Variants in STAB1 observed in about 807,000 individuals in gnomAD.
STAB1 encodes the protein stabilin 1.
A neutral mutation model predicts 332.4 loss-of-function variants in STAB1; 250 were observed. The ratio of observed to expected loss-of-function variants is 0.75; its 90% CI spans 0.68 to 0.84. STAB1 has a LOEUF of 0.84. Among genes scored for constraint, STAB1 ranks in the 40% least tolerant of loss-of-function variants. The pLI, the probability that STAB1 is intolerant of heterozygous loss-of-function variation, is 0.00. For synonymous variants in STAB1, 1,475 were observed against 1,390.4 expected (o/e 1.06, Z -1.35); for missense variants, 3,249 against 3,489.7 (o/e 0.93, Z 1.74).
In STAB1 at chr3:52,519,590, T is replaced by C. The variant is rs2079003318; in HGVS notation, c.5235+26T>C. On this transcript the variant is annotated intron_variant, in intron 50 of 68. Transcript: ENST00000321725. ...GTACTGCTCCCGTGTGGGCCTGTCA[T>C]TGTGGACACACATGCACGTGTAAGT... is the stretch of plus-strand genomic sequence containing the variant. The C allele has an allele frequency of 2.5e-6, 4 of 1,606,774 alleles. No homozygotes were observed. The African/African-American group carries it at 4.0e-5, about 16-fold the overall frequency.
Position 52,522,698 on chromosome 3 carries a change from G to T in STAB1, c.6744+10G>T. 12 of 1,612,916 alleles carry T rather than the reference G, an allele frequency of 7.4e-6. No homozygotes were observed. Among genetic ancestry groups the T allele is most frequent in the Non-Finnish European group, 1.0e-5 (12 of 1,179,996 alleles). On this transcript the variant is annotated intron_variant, in intron 61 of 68. Coordinates refer to ENST00000321725, the MANE Select transcript of STAB1 (RefSeq NM_015136.3). Reference sequence around the variant, plus strand: ...CTCTGCTGCCCAGCAGGTGTGTGGGGCCCAGAAGTTGGGGCCAAGTGTTGG... The same window carrying T: ...CTCTGCTGCCCAGCAGGTGTGTGGGTCCCAGAAGTTGGGGCCAAGTGTTGG...
intron 15 of STAB1, 46 bp from the exon 16 acceptor site, chr3:52,505,837 C>T: frequency 1.2e-6 from 2 of 1,613,834 alleles, no homozygotes; most frequent in Non-Finnish European, 1.7e-6. Flanking sequence ...CCTCCACGCT[C>T]CCCCACAGTT....
Position 52,523,226 on chromosome 3 carries a change from T to C in STAB1, c.7025T>C (p.Leu2342Pro). 1 of 1,613,228 alleles carries C rather than the reference T, an allele frequency of 6.2e-7. No homozygotes were observed. The highest frequency in any genetic ancestry group is 8.5e-7 in the Non-Finnish European group (1 of 1,180,010). ...TANFSTFYGM[L>P]LGYANATQRG... is the part of the protein sequence containing the mutation. ...TCTGTCTTTCCACCGTGCCAGATGCTATTGGGCTATGCCAATGCCACCCAG... is the reference window on the plus strand; with the variant it reads ...TCTGTCTTTCCACCGTGCCAGATGCCATTGGGCTATGCCAATGCCACCCAG... The change falls in exon 64 of 69, where the codon CTA (leucine) becomes CCA (proline). Residue 2342 changes from leucine (L) to proline (P), a missense_variant. By Grantham distance (98) the Leu-to-Pro change is moderately conservative (BLOSUM62 -3). Coordinates refer to ENST00000321725, the MANE Select transcript of STAB1 (RefSeq NM_015136.3).
rs778143328 is a variant in STAB1 at position 52,511,679 on chromosome 3, C to A, written c.2817C>A (p.Ala939=). The change falls in exon 26 of 69, where the codon GCC becomes GCA. Residue 939 remains alanine, a synonymous_variant. Coordinates refer to ENST00000321725, the MANE Select transcript of STAB1 (RefSeq NM_015136.3). ...GATGCACCTGCAAGCTGGGCTTTGCCGGGGATGGCTACCAGTGCAGCCCCA... is the reference window on the plus strand; with the variant it reads ...GATGCACCTGCAAGCTGGGCTTTGCAGGGGATGGCTACCAGTGCAGCCCCA... ...QSRCTCKLGF[A]GDGYQCSPID... The A allele has an allele frequency of 1.2e-6, 2 of 1,610,692 alleles. No individual in the cohort carries two copies. The highest frequency in any genetic ancestry group is 1.7e-5 in the Admixed American group (1 of 59,850).
chr3:52,498,258 C>T (rs527483117), intron 1 of STAB1, among the ~76,000 whole-genome samples: 50 of 151,940 alleles, frequency 3.3e-4, no homozygotes, highest in Non-Finnish European at 3.5e-4. Context: ...ATCAGGTCTG[C>T]GGGGGGTGTG....
At chr3:52,509,571 C>T (rs1255001212) in intron 22 of STAB1, 1 of 592,040 alleles carries the variant, frequency 1.7e-6, no homozygotes, top group Non-Finnish European at 3.0e-6. Flanking sequence ...TCTGCTTCAC[C>T]CAGGCCAGGA....
intron 16 of STAB1, 76 bp downstream of exon 16, chr3:52,506,012 C>A: frequency 1.3e-6 from 2 of 1,572,484 alleles, no homozygotes; most frequent in Non-Finnish European, 1.7e-6. Context: ...TTCCCCAAGG[C>A]CCCATCTCTT....
At chr3:52,515,965 C>T in intron 37 of STAB1, 78 bp from the exon 38 acceptor site, 1 of 1,455,156 alleles carries the variant, frequency 6.9e-7, no homozygotes, top group Non-Finnish European at 9.1e-7. Flanking sequence ...CTCTGTGGCC[C>T]CGAGATGCCC....
chr3:52,500,231 G>A (rs1020184741), intron 1 of STAB1, among the ~76,000 whole-genome samples: 5 of 152,118 alleles, frequency 3.3e-5, no homozygotes, highest in Non-Finnish European at 7.4e-5. Flanking sequence ...TTCCACTCCC[G>A]GCCTTTGCTT....
intron 1 of STAB1, among the ~76,000 whole-genome samples, chr3:52,497,308 A>G (rs1361175577): frequency 6.6e-6 from 1 of 151,074 alleles, no homozygotes; most frequent in African/African-American, 2.4e-5. Context: ...AGACTTTTCT[A>G]TGTACATAGC....
chr3:52,520,367 G>A (rs752295881), intron 52 of STAB1, 33 bp from the exon 53 acceptor site: 13 of 1,612,616 alleles, frequency 8.1e-6, no homozygotes, highest in South Asian at 4.4e-5. Context: ...GTGCACCTGC[G>A]ACCCTTGCAT....
At position 52,515,017 on chromosome 3, in the gene STAB1, T is replaced by C. The variant is rs2078810672; in HGVS notation, c.3836T>C (p.Phe1279Ser). The C allele has an allele frequency of 6.2e-7, 1 of 1,613,526 alleles. No individual in the cohort carries two copies. Among genetic ancestry groups the C allele is most frequent in the Admixed American group, 1.7e-5 (1 of 60,022 alleles). ...AAATGTGTAAACTGCACCAGGAGATTCCGCTGCACTCAGGGCTTCCAGCTG... is the reference window on the plus strand; with the variant it reads ...AAATGTGTAAACTGCACCAGGAGATCCCGCTGCACTCAGGGCTTCCAGCTG... ...REKCVNCTRR[F>S]RCTQGFQLQD... The change falls in exon 36 of 69, where the codon TTC (phenylalanine) becomes TCC (serine). Residue 1279 changes from phenylalanine to serine, a missense_variant. Coordinates refer to ENST00000321725, the MANE Select transcript of STAB1 (RefSeq NM_015136.3).
Position 52,502,738 on chromosome 3 carries a change from C to A in STAB1, c.583+11C>A. The A allele has an allele frequency of 6.2e-7, 1 of 1,611,630 alleles. No individual in the cohort carries two copies. Among genetic ancestry groups the A allele is most frequent in the Non-Finnish European group, 8.5e-7 (1 of 1,178,586 alleles). On this transcript the variant is annotated intron_variant, in intron 6 of 68. Transcript: ENST00000321725. ...CCCACTGTGATCAAGGTGAGCAGCGCCACTGGGATAGCCTAGGGCAGCAGG... is the reference window on the plus strand; with the variant it reads ...CCCACTGTGATCAAGGTGAGCAGCGACACTGGGATAGCCTAGGGCAGCAGG...
At chr3:52,514,328 A>T in intron 33 of STAB1, 37 bp from the exon 34 acceptor site, 1 of 1,560,778 alleles carries the variant, frequency 6.4e-7, no homozygotes, top group Non-Finnish European at 8.7e-7. Context: ...GCACTTGGTT[A>T]TCCTGCAGTC....
chr3:52,521,604 T>C lies in STAB1; in HGVS notation c.6067T>C (p.Cys2023Arg), dbSNP rs762044357. 1 of 1,612,994 alleles carries C rather than the reference T, an allele frequency of 6.2e-7. No homozygotes were observed. Among genetic ancestry groups the C allele is most frequent in the Non-Finnish European group, 8.5e-7 (1 of 1,179,886 alleles). Residue 2023 changes from cysteine (C) to arginine (R), a missense_variant, in exon 57 of 69, where the codon TGC (cysteine) becomes CGC (arginine). Cys to Arg is a radical substitution (Grantham distance 180, BLOSUM62 -3). Transcript: ENST00000321725. ...CCTGTCCCTCTCCCCAGCCTGCCGC[T>C]GCACTGTGCATGGCCGCTGTGATGA... The part of the protein sequence containing the change: ...AFGPHCQACR[C>R]TVHGRCDEGL...
rs766229139 is a variant in STAB1, at chr3:52,515,053, T to A, written c.3864+8T>A. 2.0e-5 allele frequency: 33 copies of A among 1,613,190 alleles called. 1 individual carries two copies. ...CAGGGCTTCCAGCTGCAGGTGAGAC[T>A]GGGCTTAGCGCAGCTCTGTCCCTGT... is the stretch of plus-strand genomic sequence containing the variant. On this transcript the variant is annotated splice_region_variant and intron_variant, in intron 36 of 68. Transcript: ENST00000321725.
At chr3:52,514,319 C>A (rs1709513293) in intron 33 of STAB1, 46 bp from the exon 34 acceptor site, 1 of 1,567,524 alleles carries the variant, frequency 6.4e-7, no homozygotes, top group East Asian at 2.3e-5. Flanking sequence ...CTGTCCAGGG[C>A]ACTTGGTTAT....
intron 7 of STAB1, 92 bp from the exon 8 acceptor site, chr3:52,503,252 A>G (rs960646197): frequency 1.3e-6 from 2 of 1,518,020 alleles, no homozygotes; most frequent in Admixed American, 2.0e-5. Flanking sequence ...GCCTAGGTCA[A>G]CCTGCTGGCC....
In STAB1 at chr3:52,503,369, C is replaced by T; in HGVS notation, c.720C>T (p.Pro240=). Residue 240 remains proline, a synonymous_variant, in exon 8 of 69, where the codon CCC becomes CCT. Transcript: ENST00000321725. ...CRAPNPCWPS[P]CSLLAQCSVS... is the part of the protein sequence containing the mutation. ...CCCCCAACCCCTGCTGGCCATCACC[C>T]TGCTCACTGCTGGCCCAGTGCTCGG... 1.9e-6 allele frequency: 3 copies of T among 1,613,004 alleles called. No homozygotes were observed. Among genetic ancestry groups the T allele is most frequent in the Non-Finnish European group, 1.7e-6 (2 of 1,179,706 alleles).
Sources: gnomAD v4.1 joint callset for allele counts (sites outside exome capture counted in the v4.1 genomes callset) on GRCh38, gnomAD v4.1.1 for gene constraint, MANE v1.5 for transcripts, NCBI Gene and HGNC (gene_info 2026-07-23, HGNC 2026-07-21) for gene names.